Variants in PGS1 observed in about 807,000 individuals in gnomAD.
PGS1 encodes phosphatidylglycerophosphate synthase 1.
A neutral mutation model predicts 58.3 loss-of-function variants in PGS1; 44 were observed. The ratio of observed to expected loss-of-function variants is 0.75; its 90% CI spans 0.59 to 0.97. The LOEUF (loss-of-function observed/expected upper bound fraction) is 0.97. PGS1 is among the 50% of genes least tolerant of loss of function. The pLI, the probability that PGS1 is intolerant of heterozygous loss-of-function variation, is 0.00. For synonymous variants in PGS1, 330 were observed against 311.0 expected (o/e 1.06, Z -0.64); for missense variants, 684 against 731.1 (o/e 0.94, Z 0.74).
At chr17:78,396,418 A>G (rs1226112055) in intron 3 of PGS1, 33 bp downstream of exon 3, 4 of 1,465,858 alleles carry the variant, frequency 2.7e-6, no homozygotes, top group African/African-American at 2.8e-5. Context: ...TGTGGCAGCA[A>G]TAGTGAATGG....
chr17:78,421,023 TTGAAGTCCAA>T (rs1249475667), intron 9 of PGS1: 3 of 152,264 alleles, frequency 2.0e-5, no homozygotes, highest in African/African-American at 7.2e-5. Flanking sequence ...ATTATTTGAC[TTGAAGTCCAA>T]TTAAGGACTA....
chr17:78,402,098 C>T (rs559511682), intron 6 of PGS1, among the ~76,000 whole-genome samples: 1 of 152,234 alleles, frequency 6.6e-6, no homozygotes, highest in Admixed American at 6.5e-5. Context: ...CAGCATGTGG[C>T]AGTGTGACTC....
chr17:78,395,402 A>T (rs1443488706), intron 2 of PGS1, among the ~76,000 whole-genome samples: 1 of 152,074 alleles, frequency 6.6e-6, no homozygotes, highest in Non-Finnish European at 1.5e-5. Flanking sequence ...GTTTCTGTCT[A>T]GTCAAGTTGC....
At chr17:78,390,067 C>CCCCCCCCCCCCCCCCCCCCGCCCCCCT (rs1883308583) in intron 1 of PGS1, among the ~76,000 whole-genome samples, 4 of 143,510 alleles carry the variant, frequency 2.8e-5, no homozygotes, top group East Asian at 2.1e-4. Context: ...CCTGTTCCCC[C>CCCCCCCCCCCCCCCCCCCCGCCCCCCT]GCCCCCGACC....
At chr17:78,396,419 T>C (rs372440088) in intron 3 of PGS1, 34 bp downstream of exon 3, 4 of 1,456,874 alleles carry the variant, frequency 2.7e-6, no homozygotes, top group Non-Finnish European at 3.8e-6. Flanking sequence ...GTGGCAGCAA[T>C]AGTGAATGGG....
In PGS1 at chr17:78,420,222, C is replaced by T. The variant is rs926569319; in HGVS notation, c.*10+547C>T. 1.5e-5 allele frequency: 15 copies of T among 992,302 alleles called. 1 individual carries two copies. In the African/African-American group the frequency reaches 2.4e-4, roughly 16 times the overall value. 61.5% of individuals were successfully genotyped at this position (992,302 alleles called of 1,614,324 possible). A position where few individuals can be genotyped will look rare whatever the true frequency, so the allele number is the denominator to read the frequency against. On this transcript the variant is annotated intron_variant, in intron 9 of 9. Transcript: ENST00000262764. Reference sequence around the variant, plus strand: ...CTGTGCTGCGGTTACAGAGCTGCGCCCTTCTAGACTCTGGAAGTTGAGTAA... The same window carrying T: ...CTGTGCTGCGGTTACAGAGCTGCGCTCTTCTAGACTCTGGAAGTTGAGTAA...
chr17:78,422,328 C>A lies in PGS1; in HGVS notation c.*11-1733C>A, dbSNP rs2085890560. Among the ~76,000 whole-genome samples, 3 of 152,256 alleles carry A rather than the reference C, an allele frequency of 2.0e-5. No homozygotes were observed. The South Asian group carries it at 6.2e-4, about 32-fold the overall frequency. ...GCCAGGAGGGGAGGATTTTTCTTTTCCCTCCGATAGCCCTACTGGGCGCTA... is the reference window on the plus strand; with the variant it reads ...GCCAGGAGGGGAGGATTTTTCTTTTACCTCCGATAGCCCTACTGGGCGCTA... On this transcript the variant is annotated intron_variant, in intron 9 of 9. Coordinates refer to ENST00000262764, the MANE Select transcript of PGS1 (RefSeq NM_024419.5).
At chr17:78,423,586 G>A (rs1036167569) in intron 9 of PGS1, 28 of 337,496 alleles carry the variant, frequency 8.3e-5, no homozygotes, top group African/African-American at 5.8e-4. Flanking sequence ...GTCAGGATTT[G>A]GGATTTACTT....
chr17:78,410,163 T>TA (rs1464737621), intron 7 of PGS1, among the ~76,000 whole-genome samples: 3 of 151,080 alleles, frequency 2.0e-5, no homozygotes, highest in East Asian at 2.0e-4. Context: ...AGTTGTGACT[T>TA]ACGCCTGTAA....
At chr17:78,396,242 G>A (rs2083220869) in intron 2 of PGS1, 66 bp from the exon 3 acceptor site, 1 of 1,213,362 alleles carries the variant, frequency 8.2e-7, no homozygotes, top group South Asian at 1.2e-5. Context: ...CAGGTCAAAG[G>A]GTTCTGTTTT....
At chr17:78,399,591 G>A in intron 5 of PGS1, 54 bp downstream of exon 5, 1 of 1,569,208 alleles carries the variant, frequency 6.4e-7, no homozygotes, top group South Asian at 1.1e-5. Context: ...AGGCTGGAGG[G>A]CAGTGGAATA....
chr17:78,420,139 GGTGGGGCGTCGGTAGAGCCAGACC>G, intron 9 of PGS1: 1 of 1,017,866 alleles, frequency 9.8e-7, no homozygotes, highest in Non-Finnish European at 1.2e-6. Flanking sequence ...TAGTGCACAG[GGTGGGGCGTCGGTAGAGCCAGACC>G]GTGGGCTGCT....
At chr17:78,391,558 A>G (rs1280415632) in intron 1 of PGS1, among the ~76,000 whole-genome samples, 1 of 151,860 alleles carries the variant, frequency 6.6e-6, no homozygotes, top group African/African-American at 2.4e-5. Context: ...CCTCACTGCA[A>G]CCTCCACCTC....
chr17:78,391,432 G>C (rs1249032100), intron 1 of PGS1, among the ~76,000 whole-genome samples: 2 of 152,168 alleles, frequency 1.3e-5, no homozygotes, highest in African/African-American at 4.8e-5. Flanking sequence ...AGATCCTCCT[G>C]CCTCAGCCTC....
intron 9 of PGS1, chr17:78,420,325 T>A: frequency 1.5e-6 from 1 of 687,898 alleles, no homozygotes; most frequent in Non-Finnish European, 1.8e-6. Flanking sequence ...TCACCTGAGG[T>A]ACCCCTGGAC....
chr17:78,399,606 C>A (rs996753466), intron 5 of PGS1, 69 bp downstream of exon 5: 100 of 1,498,262 alleles, frequency 6.7e-5, no homozygotes, highest in Non-Finnish European at 9.0e-5. Context: ...GGAATAGGAA[C>A]AGTGGGAAAC....
At chr17:78,382,430 G>A (rs1040170634) in intron 1 of PGS1, among the ~76,000 whole-genome samples, 1 of 152,098 alleles carries the variant, frequency 6.6e-6, no homozygotes, top group African/African-American at 2.4e-5. Flanking sequence ...GCACATGGAT[G>A]TTGGTACATT....
chr17:78,412,024 C>G (rs1212729752), intron 7 of PGS1, among the ~76,000 whole-genome samples: 1 of 146,324 alleles, frequency 6.8e-6, no homozygotes, highest in Non-Finnish European at 1.5e-5. Context: ...TTTTAGATTC[C>G]CCTTCTCCCG....
At chr17:78,393,828 A>G (rs1419785500) in intron 2 of PGS1, among the ~76,000 whole-genome samples, 1 of 152,162 alleles carries the variant, frequency 6.6e-6, no homozygotes, top group Non-Finnish European at 1.5e-5. Context: ...TGGAATGAAC[A>G]CTAATCAACA....
Sources: gnomAD v4.1 joint callset for allele counts (sites outside exome capture counted in the v4.1 genomes callset) on GRCh38, gnomAD v4.1.1 for gene constraint, MANE v1.5 for transcripts, NCBI Gene and HGNC (gene_info 2026-07-23, HGNC 2026-07-21) for gene names.